ATAD3A: variants seen among roughly 807,000 people sequenced by gnomAD.
ATAD3A encodes ATPase family AAA domain-containing protein 3A.
In ATAD3A, 46 loss-of-function variants were observed where a neutral mutation model predicts 73.8. The observed-to-expected ratio is 0.62, with a 90% confidence interval of 0.49 to 0.80. The LOEUF (loss-of-function observed/expected upper bound fraction) is 0.80, where lower values mean the gene tolerates loss of function less well. Ranked by LOEUF, ATAD3A falls within the 30% of genes least tolerant of loss-of-function variation. The pLI, the probability that ATAD3A is intolerant of heterozygous loss-of-function variation, is 0.00. For synonymous variants in ATAD3A, 319 were observed against 350.0 expected (o/e 0.91, Z 0.99); for missense variants, 705 against 838.0 (o/e 0.84, Z 1.96).
chr1:1,529,895 G>A (rs1436265609), intron 15 of ATAD3A, among the ~76,000 whole-genome samples: 2 of 152,238 alleles, frequency 1.3e-5, no homozygotes, highest in African/African-American at 4.8e-5. Flanking sequence ...CATCCAGAAA[G>A]CTTTGGTCTT....
In ATAD3A at chr1:1,526,496, C is replaced by T. The variant is rs1436976157; in HGVS notation, c.1302C>T (p.Asn434=). 17 of 1,612,670 alleles carry T rather than the reference C, an allele frequency of 1.1e-5. No homozygotes were observed. The highest frequency in any genetic ancestry group is 6.7e-5 in the East Asian group (3 of 44,882). The change falls in exon 13 of 16, where the codon AAC becomes AAT. Residue 434 remains asparagine, a synonymous_variant. Transcript: ENST00000378756. ...KISEDLRATL[N]AFLYRTGQHS... Reference sequence around the variant, plus strand: ...GCGAGGACCTCAGGGCCACACTGAACGCCTTCCTGTACCGCACGGGCCAGC... The same window carrying T: ...GCGAGGACCTCAGGGCCACACTGAATGCCTTCCTGTACCGCACGGGCCAGC...
chr1:1,527,092 T>A, intron 13 of ATAD3A: 1 of 1,149,456 alleles, frequency 8.7e-7, no homozygotes, highest in South Asian at 1.3e-5. Context: ...GACCGCCCCA[T>A]GGCCAGGCTC....
chr1:1,525,036 G>A (rs3737712), intron 11 of ATAD3A, among the ~76,000 whole-genome samples: 3 of 152,182 alleles, frequency 2.0e-5, no homozygotes, highest in Non-Finnish European at 2.9e-5. Flanking sequence ...GGTTTCCCAC[G>A]GCCTTCTGAG....
chr1:1,518,112 C>T (rs114685401), intron 4 of ATAD3A, among the ~76,000 whole-genome samples: 3,328 of 150,746 alleles, frequency 0.022, 114 homozygotes, highest in African/African-American at 0.076. Context: ...CACAGACACC[C>T]CCACACAGAG....
Position 1,523,378 on chromosome 1 carries a change from G to A in ATAD3A, c.907-133G>A, listed in dbSNP as rs1372718853. On this transcript the variant is annotated intron_variant, in intron 8 of 15. Coordinates refer to ENST00000378756, the MANE Select transcript of ATAD3A (RefSeq NM_001170535.3). The surrounding 1 kb of genome is among the most constrained non-coding windows in gnomAD (Gnocchi z 5.1). ...GGTCTCCGGGCGGGGCAGGGTTCCAGCTCCGGGCCGGTCCTGGCTGTGCTT... is the reference window on the plus strand; with the variant it reads ...GGTCTCCGGGCGGGGCAGGGTTCCAACTCCGGGCCGGTCCTGGCTGTGCTT... 1.2e-4 allele frequency: 177 copies of A among 1,444,810 alleles called. No individual in the cohort carries two copies. The highest frequency in any genetic ancestry group is 1.7e-4 in the Non-Finnish European group (176 of 1,063,724). The allele number at this position is 1,444,810 out of a possible 1,614,324, so 89.5% of individuals were successfully genotyped here.
Position 1,517,224 on chromosome 1 carries a change from C to T in ATAD3A, c.283-87C>T, listed in dbSNP as rs61777881. The stretch of plus-strand genomic sequence containing the variant: ...ACTAGTCTGGGCATGGAGTCTCTGC[C>T]GTGCCGGAGCCGTGCAGACACAGGA... On this transcript the variant is annotated intron_variant, in intron 2 of 15. Coordinates refer to ENST00000378756, the MANE Select transcript of ATAD3A (RefSeq NM_001170535.3). 1,384 of 1,545,446 alleles carry T rather than the reference C, an allele frequency of 9.0e-4. 2 individuals carry two copies. Among genetic ancestry groups the T allele is most frequent in the Non-Finnish European group, 1.2e-3 (1,325 of 1,147,024 alleles).
At chr1:1,514,075 A>G (rs978831962) in intron 1 of ATAD3A, among the ~76,000 whole-genome samples, 41 of 152,166 alleles carry the variant, frequency 2.7e-4, no homozygotes, top group African/African-American at 8.9e-4. Context: ...GTGTGAATTC[A>G]CGCGCTGGGA....
chr1:1,524,344 A>G lies in ATAD3A; in HGVS notation c.1161A>G (p.Glu387=). The G allele has an allele frequency of 1.9e-6, 3 of 1,611,742 alleles. No individual in the cohort carries two copies. Among genetic ancestry groups the G allele is most frequent in the Non-Finnish European group, 2.5e-6 (3 of 1,178,934 alleles). The change falls in exon 11 of 16, where the codon GAA becomes GAG. Residue 387 remains glutamate (E), a synonymous_variant. Transcript: ENST00000378756. ...GGGACGTGGCCCCCATGGGGCGGGA[A>G]GGCGTGACCGCCATGCACAAGCTCT... ...TGGDVAPMGR[E]GVTAMHKLFD...
chr1:1,526,514 G>A lies in ATAD3A; in HGVS notation c.1320G>A (p.Thr440=), dbSNP rs754628175. The A allele has an allele frequency of 6.0e-5, 96 of 1,611,308 alleles. No homozygotes were observed. The African/African-American group carries it at 6.6e-4, about 11-fold the overall frequency. The change falls in exon 13 of 16, where the codon ACG becomes ACA. Residue 440 remains threonine, a synonymous_variant. Coordinates refer to ENST00000378756, the MANE Select transcript of ATAD3A (RefSeq NM_001170535.3). ...RATLNAFLYR[T]GQHSNKFMLV... ...CACTGAACGCCTTCCTGTACCGCACGGGCCAGCACAGCAACAAGTGAGGGA... is the reference window on the plus strand; with the variant it reads ...CACTGAACGCCTTCCTGTACCGCACAGGCCAGCACAGCAACAAGTGAGGGA...
Position 1,514,103 on chromosome 1 carries a change from G to C in ATAD3A, c.205+1630G>C, listed in dbSNP as rs551014247. ...CGCTGGGACGCACGTCCCTGGCACA[G>C]GGTCACACCAAAGTGGTGAATGATT... On this transcript the variant is annotated intron_variant, in intron 1 of 15. Coordinates refer to ENST00000378756, the MANE Select transcript of ATAD3A (RefSeq NM_001170535.3). 4.4e-4 allele frequency among the ~76,000 whole-genome samples: 67 copies of C among 152,302 alleles called. 1 individual carries two copies. Among genetic ancestry groups the C allele is most frequent in the African/African-American group, 1.4e-3 (60 of 41,568 alleles).
Position 1,524,301 on chromosome 1 carries a change from A to G in ATAD3A, c.1118A>G (p.Tyr373Cys), listed in dbSNP as rs1387798456. 6.2e-7 allele frequency: 1 copy of G among 1,613,590 alleles called. No homozygotes were observed. Among genetic ancestry groups the G allele is most frequent in the African/African-American group, 1.3e-5 (1 of 74,858 alleles). ...CTCGCCCTGCACTCAGGCATGGACTACGCCATCATGACAGGCGGGGACGTG... is the reference window on the plus strand; with the variant it reads ...CTCGCCCTGCACTCAGGCATGGACTGCGCCATCATGACAGGCGGGGACGTG... The part of the protein sequence containing the change: ...KKLALHSGMD[Y>C]AIMTGGDVAP... Residue 373 changes from tyrosine to cysteine, a missense_variant, in exon 11 of 16, where the codon TAC (tyrosine) becomes TGC (cysteine). Coordinates refer to ENST00000378756, the MANE Select transcript of ATAD3A (RefSeq NM_001170535.3).
Position 1,520,166 on chromosome 1 carries a change from G to A in ATAD3A, c.540G>A (p.Leu180=). The A allele has an allele frequency of 6.2e-7, 1 of 1,611,556 alleles. No homozygotes were observed. The highest frequency in any genetic ancestry group is 8.5e-7 in the Non-Finnish European group (1 of 1,179,580). Residue 180 remains leucine, a synonymous_variant, in exon 6 of 16, where the codon CTG becomes CTA. Coordinates refer to ENST00000378756, the MANE Select transcript of ATAD3A (RefSeq NM_001170535.3). The surrounding 1 kb of genome is among the most constrained non-coding windows in gnomAD (Gnocchi z 4.0). Reference sequence around the variant, plus strand: ...CCACCGTGGAGCGGGAGATGGAGCTGCGGCACAAGAATGAGATGCTGCGAG... The same window carrying A: ...CCACCGTGGAGCGGGAGATGGAGCTACGGCACAAGAATGAGATGCTGCGAG... ...RRATVEREME[L]RHKNEMLRVE...
intron 15 of ATAD3A, among the ~76,000 whole-genome samples, chr1:1,533,608 G>C (rs1294213364): frequency 1.3e-5 from 2 of 152,148 alleles, no homozygotes; most frequent in Non-Finnish European, 2.9e-5. Flanking sequence ...GACTCGCAGA[G>C]GGTCTGCAGT....
Position 1,527,842 on chromosome 1 carries a change from G to A in ATAD3A, c.1485G>A (p.Lys495=), listed in dbSNP as rs1404142389. Residue 495 remains lysine (K), a synonymous_variant, in exon 14 of 16, where the codon AAG becomes AAA. Coordinates refer to ENST00000378756, the MANE Select transcript of ATAD3A (RefSeq NM_001170535.3). Reference sequence around the variant, plus strand: ...TGTATTTTGACAAGTATGTTCTTAAGCCGGCCACAGAAGGAAAGCAGTAAG... The same window carrying A: ...TGTATTTTGACAAGTATGTTCTTAAACCGGCCACAGAAGGAAAGCAGTAAG... ...VRMYFDKYVL[K]PATEGKQRLK... 1.2e-6 allele frequency: 2 copies of A among 1,613,566 alleles called. No individual in the cohort carries two copies. Among genetic ancestry groups the A allele is most frequent in the Admixed American group, 1.7e-5 (1 of 60,004 alleles).
At chr1:1,518,449 G>A (rs540518050) in intron 4 of ATAD3A, among the ~76,000 whole-genome samples, 15 of 106,484 alleles carry the variant, frequency 1.4e-4, no homozygotes, top group Non-Finnish European at 9.3e-5. Context: ...ATGGGCGCGC[G>A]TACACCCCCC....
Position 1,523,462 on chromosome 1 carries a change from C to T in ATAD3A, c.907-49C>T, listed in dbSNP as rs371010468. ...TGTGTGTGCGCGTTGGTGGCTGTTC[C>T]GTGGCTGTGGCAGGTGACCCGATGG... On this transcript the variant is annotated intron_variant, in intron 8 of 15. Transcript: ENST00000378756. This position sits in a 1 kb window ranked among gnomAD's most constrained non-coding sequence, Gnocchi z 5.1. 1.9e-5 allele frequency: 30 copies of T among 1,598,766 alleles called. 1 individual carries two copies. Among genetic ancestry groups the T allele is most frequent in the African/African-American group, 1.3e-4 (10 of 74,212 alleles).
At position 1,512,361 on chromosome 1, in the gene ATAD3A, C is replaced by A; in HGVS notation, c.93C>A (p.Gly31=). 8.1e-7 allele frequency: 1 copy of A among 1,242,012 alleles called. No homozygotes were observed. Among genetic ancestry groups the A allele is most frequent in the Non-Finnish European group, 1.0e-6 (1 of 988,680 alleles). The allele number at this position is 1,242,012 out of a possible 1,614,324, so 76.9% of individuals were successfully genotyped here. A position where few individuals can be genotyped will look rare whatever the true frequency, so the allele number is the denominator to read the frequency against. Residue 31 remains glycine, a synonymous_variant, in exon 1 of 16, where the codon GGC becomes GGA. Transcript: ENST00000378756. ...CGCCCGCGCAGCCCGGGGCCGAGGGCGGCGGGGACCGCGGGTTGGGAGACC... is the reference window on the plus strand; with the variant it reads ...CGCCCGCGCAGCCCGGGGCCGAGGGAGGCGGGGACCGCGGGTTGGGAGACC... The part of the protein sequence containing the change: ...PLPPAQPGAE[G]GGDRGLGDRP...
chr1:1,525,706 GC>G (rs1371806887), intron 12 of ATAD3A, among the ~76,000 whole-genome samples: 1 of 151,798 alleles, frequency 6.6e-6, no homozygotes, highest in Middle Eastern at 3.2e-3. Context: ...GAGCCACCAC[GC>G]CCAGCCTTTT....
At chr1:1,524,836 G>A (rs1641743735) in intron 11 of ATAD3A, among the ~76,000 whole-genome samples, 1 of 150,670 alleles carries the variant, frequency 6.6e-6, no homozygotes, top group Non-Finnish European at 1.5e-5. Context: ...GCACAGCCCG[G>A]GCACCCTTGT....
Sources: gnomAD v4.1 joint callset for allele counts (sites outside exome capture counted in the v4.1 genomes callset) on GRCh38, gnomAD v4.1.1 for gene constraint, Gnocchi (gnomAD v3.1) non-coding constraint, MANE v1.5 for transcripts, NCBI Gene and HGNC (gene_info 2026-07-23, HGNC 2026-07-21) for gene names.